The following NPIPA1 variants were observed in gnomAD, a reference collection of about 807,000 sequenced individuals.
NPIPA1 encodes the protein nuclear pore complex-interacting protein family member A1.
For missense variants in NPIPA1, 22 were observed against 232.2 expected, an observed-to-expected ratio of 0.09 and a Z score of 5.88; for synonymous variants, 7 against 88.0, an observed-to-expected ratio of 0.08 and a Z score of 5.15.
chr16:14,945,036 C>T (rs1195201040), intron 2 of NPIPA1, among the ~76,000 whole-genome samples: 4 of 148,766 alleles, frequency 2.7e-5, no homozygotes, highest in African/African-American at 4.9e-5. Flanking sequence ...CTCAGCCTCC[C>T]GACTAGCTGG....
At chr16:14,940,522 G>C (rs1342327673) in intron 1 of NPIPA1, among the ~76,000 whole-genome samples, 16 of 140,388 alleles carry the variant, frequency 1.1e-4, no homozygotes, top group African/African-American at 4.0e-4. Context: ...GCCTGGCCAA[G>C]ATGGTGAAAC....
chr16:14,946,510 C>A (rs1461355724), intron 4 of NPIPA1, among the ~76,000 whole-genome samples: 1 of 151,336 alleles, frequency 6.6e-6, no homozygotes, highest in Non-Finnish European at 1.5e-5. Context: ...GCGTGAGCCA[C>A]CACACCCAGG....
intron 1 of NPIPA1, among the ~76,000 whole-genome samples, chr16:14,938,662 G>A (rs1340448962): frequency 2.8e-5 from 4 of 144,862 alleles, no homozygotes; most frequent in African/African-American, 1.0e-4. Flanking sequence ...AGATGGCCCC[G>A]CTGCACTCTT....
intron 4 of NPIPA1, among the ~76,000 whole-genome samples, chr16:14,947,744 A>C (rs1279484809): frequency 2.0e-5 from 3 of 152,246 alleles, no homozygotes; most frequent in African/African-American, 7.2e-5. Context: ...TGAGATCAGA[A>C]GCTTCAGATG....
At chr16:14,943,749 T>C (rs1416449553) in intron 2 of NPIPA1, among the ~76,000 whole-genome samples, 1 of 152,048 alleles carries the variant, frequency 6.6e-6, no homozygotes, top group Non-Finnish European at 1.5e-5. Context: ...GCTCTTTTCA[T>C]CTTTTTAGAT....
At chr16:14,942,790 G>A (rs1328905449) in intron 2 of NPIPA1, among the ~76,000 whole-genome samples, 3 of 152,264 alleles carry the variant, frequency 2.0e-5, no homozygotes, top group Admixed American at 6.5e-5. Context: ...TAAGAATTTG[G>A]CTGCTAAGTT....
chr16:14,943,644 T>C (rs1965806993), intron 2 of NPIPA1, among the ~76,000 whole-genome samples: 2 of 145,606 alleles, frequency 1.4e-5, no homozygotes, highest in African/African-American at 2.5e-5. Context: ...TCTTTGCTTC[T>C]CATTTCTTCA....
chr16:14,944,049 C>T (rs1448588508), intron 2 of NPIPA1, among the ~76,000 whole-genome samples: 5 of 152,136 alleles, frequency 3.3e-5, no homozygotes, highest in East Asian at 2.0e-4. Flanking sequence ...CTTGGGAGGC[C>T]GAGGCACAAG....
At chr16:14,944,870 CT>C (rs1965843265) in intron 2 of NPIPA1, among the ~76,000 whole-genome samples, 1 of 150,752 alleles carries the variant, frequency 6.6e-6, no homozygotes. Flanking sequence ...TCCCAAAGTG[CT>C]GGGATTACAG....
intron 4 of NPIPA1, among the ~76,000 whole-genome samples, chr16:14,947,803 G>A (rs1160947221): frequency 6.6e-6 from 1 of 152,254 alleles, no homozygotes; most frequent in African/African-American, 2.4e-5. Flanking sequence ...TCCCTCCAGA[G>A]TCAGGTTTTG....
At chr16:14,949,134 T>C in intron 5 of NPIPA1, 97 bp downstream of exon 5, 1 of 131,246 alleles carries the variant, frequency 7.6e-6, no homozygotes, top group South Asian at 4.6e-5. Flanking sequence ...AATGCAGAAA[T>C]AGAAACAAAT....
chr16:14,944,126 T>C (rs1392782852), intron 2 of NPIPA1, among the ~76,000 whole-genome samples: 1 of 152,132 alleles, frequency 6.6e-6, no homozygotes, highest in Non-Finnish European at 1.5e-5. Flanking sequence ...TTCAGCATGG[T>C]TGAGTGACAC....
intron 1 of NPIPA1, among the ~76,000 whole-genome samples, chr16:14,938,638 G>A (rs1299926617): frequency 2.9e-5 from 4 of 139,532 alleles, no homozygotes; most frequent in Admixed American, 7.4e-5. Context: ...GGAGCTGGAC[G>A]TTGCAGTGAG....
intron 1 of NPIPA1, chr16:14,941,592 C>T (rs1965756520): frequency 1.2e-5 from 1 of 83,360 alleles, no homozygotes; most frequent in African/African-American, 6.2e-5. Flanking sequence ...AGAAAGACAA[C>T]ACCCCACATT....
chr16:14,946,719 G>A (rs1329254198), intron 4 of NPIPA1, among the ~76,000 whole-genome samples: 1 of 116,452 alleles, frequency 8.6e-6, no homozygotes, highest in Non-Finnish European at 1.7e-5. Context: ...TTTTGAGACA[G>A]AGTCTCACTC....
At chr16:14,941,364 G>A (rs1201865616) in intron 1 of NPIPA1, among the ~76,000 whole-genome samples, 5 of 142,304 alleles carry the variant, frequency 3.5e-5, no homozygotes, top group East Asian at 2.5e-4. Context: ...GAGCCCAGGA[G>A]CTGGAGGTTG....
At chr16:14,946,485 G>C (rs879888964) in intron 4 of NPIPA1, among the ~76,000 whole-genome samples, 799 of 150,080 alleles carry the variant, frequency 5.3e-3, no homozygotes, top group African/African-American at 0.018. Flanking sequence ...GCCTCCCAAA[G>C]TGCTGGGATT....
chr16:14,944,642 T>C, intron 2 of NPIPA1, among the ~76,000 whole-genome samples: 1 of 150,532 alleles, frequency 6.6e-6, no homozygotes. Flanking sequence ...AGTCTCACTC[T>C]GTCACCAGGC....
At chr16:14,947,462 A>C (rs1276683351) in intron 4 of NPIPA1, among the ~76,000 whole-genome samples, 1 of 151,362 alleles carries the variant, frequency 6.6e-6, no homozygotes, top group Non-Finnish European at 1.5e-5. Flanking sequence ...TTCAGTATGG[A>C]TCGCTTTCAT....
Sources: allele counts gnomAD v4.1 joint callset (sites outside exome capture counted in the v4.1 genomes callset), GRCh38; gene constraint gnomAD v4.1.1; transcripts MANE v1.5; gene names NCBI Gene and HGNC (gene_info 2026-07-23, HGNC 2026-07-21).